The following DOCK1 variants were observed in gnomAD, a reference collection of about 807,000 sequenced individuals.
The protein encoded by DOCK1 is dedicator of cytokinesis 1.
In DOCK1, 138 loss-of-function variants were observed where a neutral mutation model predicts 262.7. That is an observed-to-expected ratio of 0.53 (90% CI 0.46 to 0.61). DOCK1 has a LOEUF of 0.61. Ranked by LOEUF, DOCK1 falls within the 20% of genes least tolerant of loss-of-function variation. The pLI is 0.00. For synonymous variants in DOCK1, 866 were observed against 867.4 expected (o/e 1.00, Z 0.03); for missense variants, 1,908 against 2,370.7 (o/e 0.80, Z 4.05).
chr10:127,258,066 A>C (rs995719179), intron 29 of DOCK1, among the ~76,000 whole-genome samples: 1 of 152,118 alleles, frequency 6.6e-6, no homozygotes, highest in Non-Finnish European at 1.5e-5. Flanking sequence ...GTTCATGTGC[A>C]GTTGTAGGAA....
chr10:127,237,635 A>T (rs970302564), intron 27 of DOCK1, among the ~76,000 whole-genome samples: 1 of 152,278 alleles, frequency 6.6e-6, no homozygotes, highest in Admixed American at 6.5e-5. Context: ...TTTCTGAGTG[A>T]TTATTCCTGC....
At chr10:126,954,887 C>T (rs2134451553) in intron 1 of DOCK1, among the ~76,000 whole-genome samples, 1 of 152,226 alleles carries the variant, frequency 6.6e-6, no homozygotes, top group African/African-American at 2.4e-5. Flanking sequence ...TGCTGTGAAC[C>T]TTGGTGTACA....
intron 1 of DOCK1, among the ~76,000 whole-genome samples, chr10:126,919,218 T>C (rs10794142): frequency 0.24 from 37,222 of 152,202 alleles, 5,814 homozygotes; most frequent in Non-Finnish European, 0.35. Context: ...TCTTGGAGTT[T>C]TATTTGCTGG....
At chr10:127,250,791 CAAAAAAAAAAAAAAA>C (rs1180814401) in intron 28 of DOCK1, among the ~76,000 whole-genome samples, 9 of 64,068 alleles carry the variant, frequency 1.4e-4, no homozygotes, top group South Asian at 1.8e-3. Flanking sequence ...GACTCCGTCT[CAAAAAAAAAAAAAAA>C]AAAAAAAAAA....
At chr10:126,955,012 A>G (rs1296996534) in intron 1 of DOCK1, among the ~76,000 whole-genome samples, 1 of 152,216 alleles carries the variant, frequency 6.6e-6, no homozygotes, top group Non-Finnish European at 1.5e-5. Flanking sequence ...GCACCATTTT[A>G]CATTCCTGTG....
At chr10:127,159,786 A>G (rs11016538) in intron 27 of DOCK1, among the ~76,000 whole-genome samples, 48,585 of 151,972 alleles carry the variant, frequency 0.32, 8,232 homozygotes, top group African/African-American at 0.42. Context: ...TTTTTGTGAC[A>G]CCACTGCAGG....
chr10:127,292,241 C>A (rs950763231), intron 29 of DOCK1, among the ~76,000 whole-genome samples: 1 of 152,096 alleles, frequency 6.6e-6, no homozygotes, highest in Admixed American at 6.5e-5. Context: ...GGGGGGCCCA[C>A]TTCTATCTGA....
In DOCK1 at chr10:127,380,094, G is replaced by T; in HGVS notation, c.3688G>T (p.Glu1230Ter). 6.6e-7 allele frequency: 1 copy of T among 1,522,710 alleles called. No homozygotes were observed. The highest frequency in any genetic ancestry group is 8.9e-7 in the Non-Finnish European group (1 of 1,124,042). The allele number at this position is 1,522,710 out of a possible 1,614,324, so 94.3% of individuals were successfully genotyped here. A position where few individuals can be genotyped will look rare whatever the true frequency, so the allele number is the denominator to read the frequency against. Reference protein sequence around the residue: ...CTVNVLNFYKEIEREEMYIRY... With the variant: ...CTVNVLNFYK The stretch of plus-strand genomic sequence containing the variant: ...TTTAACTTTTCAGAATTTCTACAAA[G>T]AAATTGAAAGAGAAGAAATGTATAT... Residue 1230 changes from glutamate (E) to a stop codon, truncating the protein, a stop_gained, in exon 36 of 52, where the codon GAA (glutamate) becomes TAA (stop). Transcript: ENST00000623213. LOFTEE classifies it high-confidence loss of function.
chr10:127,184,540 C>T lies in DOCK1; in HGVS notation c.2847+56776C>T, dbSNP rs73380438. Among the ~76,000 whole-genome samples the T allele has an allele frequency of 9.7e-3, 1,460 of 150,716 alleles. 22 individuals are homozygous for T. Among genetic ancestry groups the T allele is most frequent in the African/African-American group, 0.034 (1,386 of 40,952 alleles). ...GTCTTGGCTTCAAGTGCACACGTCGCTTCTCTGTGCATATACCTGGATACA... is the reference window on the plus strand; with the variant it reads ...GTCTTGGCTTCAAGTGCACACGTCGTTTCTCTGTGCATATACCTGGATACA... On this transcript the variant is annotated intron_variant, in intron 27 of 51. Transcript: ENST00000623213.
intron 23 of DOCK1, among the ~76,000 whole-genome samples, chr10:127,087,744 C>CATTTA (rs760363259): frequency 9.9e-5 from 15 of 152,020 alleles, no homozygotes; most frequent in Non-Finnish European, 2.1e-4. Flanking sequence ...GACCATTTAC[C>CATTTA]CGAAGTAGAA....
intron 27 of DOCK1, among the ~76,000 whole-genome samples, chr10:127,245,405 G>A (rs1225017776): frequency 6.6e-6 from 1 of 152,240 alleles, no homozygotes; most frequent in African/African-American, 2.4e-5. Flanking sequence ...AACTTGTGGA[G>A]ATGGCCCATC....
At chr10:127,000,943 GCT>G (rs2040555221) in intron 10 of DOCK1, 1 of 153,462 alleles carries the variant, frequency 6.5e-6, no homozygotes. Context: ...CCCTGCTGTT[GCT>G]CTGTTATTTT....
At chr10:127,140,528 A>G (rs1158048432) in intron 27 of DOCK1, among the ~76,000 whole-genome samples, 2 of 152,184 alleles carry the variant, frequency 1.3e-5, no homozygotes, top group Non-Finnish European at 2.9e-5. Flanking sequence ...CAGCCAGGCA[A>G]CGTGTGCAGA....
chr10:126,920,179 G>A (rs2033035805), intron 1 of DOCK1, among the ~76,000 whole-genome samples: 2 of 152,192 alleles, frequency 1.3e-5, no homozygotes, highest in Non-Finnish European at 2.9e-5. Context: ...TCAGTTACAC[G>A]ACTCTGTATG....
chr10:127,123,331 G>T (rs2049733838), intron 25 of DOCK1, among the ~76,000 whole-genome samples: 1 of 152,168 alleles, frequency 6.6e-6, no homozygotes, highest in Non-Finnish European at 1.5e-5. Flanking sequence ...ACAGGGTTGG[G>T]CCAGGGCTCT....
chr10:127,199,565 G>A (rs547364470), intron 27 of DOCK1, among the ~76,000 whole-genome samples: 9 of 152,264 alleles, frequency 5.9e-5, no homozygotes, highest in Non-Finnish European at 1.3e-4. Context: ...TTCTACAAAG[G>A]TGCAGAACAA....
intron 46 of DOCK1, among the ~76,000 whole-genome samples, chr10:127,419,990 C>A (rs574588670): frequency 6.6e-5 from 10 of 152,344 alleles, no homozygotes; most frequent in African/African-American, 1.9e-4. Context: ...CTCTTTCCTC[C>A]CCTTGGTCAA....
intron 1 of DOCK1, among the ~76,000 whole-genome samples, chr10:126,916,311 C>T (rs1440941603): frequency 1.3e-5 from 2 of 152,184 alleles, no homozygotes; most frequent in Non-Finnish European, 2.9e-5. Context: ...TCAATATTAA[C>T]TTCTTATAGA....
intron 39 of DOCK1, 101 bp from the exon 40 acceptor site, chr10:127,404,224 T>G: frequency 3.6e-6 from 3 of 822,960 alleles, no homozygotes; most frequent in Non-Finnish European, 1.9e-6. Flanking sequence ...CCTCCCACCC[T>G]ATAGAAGTTG....
Sources: allele counts gnomAD v4.1 joint callset (sites outside exome capture counted in the v4.1 genomes callset), GRCh38; gene constraint gnomAD v4.1.1; transcripts MANE v1.5; gene names NCBI Gene and HGNC (gene_info 2026-07-23, HGNC 2026-07-21).